The following RABGEF1 variants were observed in gnomAD, a reference collection of about 807,000 sequenced individuals.
RABGEF1 encodes rab5 GDP/GTP exchange factor.
RABGEF1 carries 26 observed loss-of-function variants against 57.3 expected under a neutral mutation model. That is an observed-to-expected ratio of 0.45 (90% confidence interval 0.33 to 0.63). The LOEUF is 0.63. Ranked by LOEUF, RABGEF1 falls within the 20% of genes least tolerant of loss-of-function variation. The probability of loss-of-function intolerance (pLI) is 0.02; values close to 1 mark genes in which losing one functional copy is unlikely to be tolerated. For missense variants in RABGEF1, 464 were observed against 607.6 expected, an observed-to-expected ratio of 0.76 and a Z score of 2.48; for synonymous variants, 185 against 210.7, an observed-to-expected ratio of 0.88 and a Z score of 1.06.
chr7:66,704,255 A>G (rs557493485), intron 1 of RABGEF1, among the ~76,000 whole-genome samples: 71 of 152,282 alleles, frequency 4.7e-4, no homozygotes, highest in African/African-American at 1.7e-3. Flanking sequence ...CCAAAATTTA[A>G]CAGGTTATTT....
intron 4 of RABGEF1, among the ~76,000 whole-genome samples, chr7:66,791,918 C>G (rs1218935138): frequency 2.6e-5 from 4 of 152,036 alleles, no homozygotes; most frequent in African/African-American, 9.7e-5. Flanking sequence ...TCAAGACCAG[C>G]CTGGCCAAGA....
chr7:66,672,412 A>G, the RABGEF1 span, among the ~76,000 whole-genome samples: 3 of 152,206 alleles, frequency 2.0e-5, no homozygotes, highest in Admixed American at 2.0e-4. Context: ...AGCCTGGGAG[A>G]CAGAGCGAGA....
the RABGEF1 span, among the ~76,000 whole-genome samples, chr7:66,672,278 A>C: frequency 6.6e-6 from 1 of 151,706 alleles, no homozygotes; most frequent in African/African-American, 2.4e-5. Flanking sequence ...AAAAAAAAAA[A>C]AAAATTAGCC....
At chr7:66,683,866 G>A (rs547550890) in intron 1 of RABGEF1, among the ~76,000 whole-genome samples, 15 of 152,144 alleles carry the variant, frequency 9.9e-5, no homozygotes, top group African/African-American at 3.6e-4. Flanking sequence ...TCAACCTCCC[G>A]AGTAGCTGAG....
intron 1 of RABGEF1, among the ~76,000 whole-genome samples, chr7:66,690,030 A>G (rs981348456): frequency 6.6e-6 from 1 of 152,102 alleles, no homozygotes; most frequent in Non-Finnish European, 1.5e-5. Context: ...TGCATTGATA[A>G]CTAGAGCCAG....
At chr7:66,727,475 C>G (rs1384701264) in intron 2 of RABGEF1, among the ~76,000 whole-genome samples, 2 of 152,370 alleles carry the variant, frequency 1.3e-5, no homozygotes, top group African/African-American at 4.8e-5. Context: ...CTGCTCCTAC[C>G]CTGCCCTGCC....
At position 66,807,045 on chromosome 7, in the gene RABGEF1, T is replaced by A. The variant is rs775136735; in HGVS notation, c.1077+1649T>A. 2.0e-5 allele frequency among the ~76,000 whole-genome samples: 3 copies of A among 152,098 alleles called. No individual in the cohort carries two copies. The South Asian group carries it at 6.2e-4, about 31-fold the overall frequency. On this transcript the variant is annotated intron_variant, in intron 8 of 8. Transcript: ENST00000284957. ...GCGAGTCAGACAACCTGGAAGTCCC[T>A]GAGAAGTGTGAAGGTGGAGACATGG...
the RABGEF1 span, among the ~76,000 whole-genome samples, chr7:66,675,328 G>A: frequency 1.3e-5 from 2 of 152,126 alleles, no homozygotes; most frequent in Non-Finnish European, 2.9e-5. Flanking sequence ...TATTCGGGGG[G>A]CCGAGGCAGG....
chr7:66,697,176 A>G (rs573592255), intron 1 of RABGEF1, among the ~76,000 whole-genome samples: 1 of 152,132 alleles, frequency 6.6e-6, no homozygotes, highest in African/African-American at 2.4e-5. Flanking sequence ...TCCAGAAGGC[A>G]AGAGGAGGCC....
chr7:66,659,984 G>A, the RABGEF1 span, among the ~76,000 whole-genome samples: 1 of 151,202 alleles, frequency 6.6e-6, no homozygotes, highest in Non-Finnish European at 1.5e-5. Flanking sequence ...CAGCAAAATT[G>A]ACAAATTTTT....
intron 3 of RABGEF1, among the ~76,000 whole-genome samples, chr7:66,776,789 A>G (rs1264207775): frequency 3.9e-5 from 6 of 152,240 alleles, no homozygotes; most frequent in Admixed American, 3.9e-4. Context: ...TCTCTACGAA[A>G]AAGGGGGGAA....
At chr7:66,784,073 T>G (rs1450350402) in intron 4 of RABGEF1, among the ~76,000 whole-genome samples, 2 of 152,214 alleles carry the variant, frequency 1.3e-5, no homozygotes, top group Admixed American at 1.3e-4. Context: ...AATTCTGACC[T>G]GAAGCCACTT....
rs765344010 is a variant in RABGEF1 at position 66,759,344 on chromosome 7, G to A, written c.-17-12539G>A. Among the ~76,000 whole-genome samples, 4 of 152,274 alleles carry A rather than the reference G, an allele frequency of 2.6e-5. No individual in the cohort carries two copies. In the East Asian group the frequency reaches 5.8e-4, roughly 22 times the overall value. ...CACCAGCATTGTTAAGATTCGAAGC[G>A]TCTTCTCCCAGCAGAGTTGCCCAGG... On this transcript the variant is annotated intron_variant, in intron 1 of 8. Transcript: ENST00000284957.
the RABGEF1 span, chr7:66,665,259 C>G: frequency 4.6e-5 from 7 of 152,276 alleles, no homozygotes; most frequent in Admixed American, 4.6e-4. Context: ...ATCCTCTCAC[C>G]TCAGCCTCCC....
chr7:66,716,268 C>CT (rs2117449995), intron 2 of RABGEF1, among the ~76,000 whole-genome samples: 1 of 152,184 alleles, frequency 6.6e-6, no homozygotes, highest in East Asian at 1.9e-4. Flanking sequence ...CGTAACATAT[C>CT]TTTTTCCATT....
At chr7:66,785,568 T>C (rs1371760006) in intron 4 of RABGEF1, among the ~76,000 whole-genome samples, 1 of 152,192 alleles carries the variant, frequency 6.6e-6, no homozygotes, top group Non-Finnish European at 1.5e-5. Context: ...TTGTGAAGAA[T>C]GTGGTAGTAT....
chr7:66,743,177 G>A (rs937860958), intron 1 of RABGEF1, among the ~76,000 whole-genome samples: 3 of 151,964 alleles, frequency 2.0e-5, no homozygotes, highest in African/African-American at 4.8e-5. Context: ...GTGTGATGGC[G>A]CCTGCCGTAA....
intron 2 of RABGEF1, chr7:66,773,659 G>A (rs972249129): frequency 6.6e-6 from 3 of 453,706 alleles, no homozygotes; most frequent in South Asian, 4.7e-5. Flanking sequence ...TAGTGCTTGT[G>A]CTTTTTGTTT....
intron 4 of RABGEF1, among the ~76,000 whole-genome samples, chr7:66,785,499 T>G (rs537568407): frequency 6.6e-6 from 1 of 152,242 alleles, no homozygotes. Flanking sequence ...ACACCTGAAC[T>G]AACATAACTA....
Sources: gnomAD v4.1 joint callset for allele counts (sites outside exome capture counted in the v4.1 genomes callset) on GRCh38, gnomAD v4.1.1 for gene constraint, MANE v1.5 for transcripts, NCBI Gene and HGNC (gene_info 2026-07-23, HGNC 2026-07-21) for gene names.